The following CCSER1 variants were observed in gnomAD, a reference collection of about 807,000 sequenced individuals.
CCSER1 encodes coiled-coil serine rich protein 1.
CCSER1 carries 41 observed loss-of-function variants against 82.0 expected under a neutral mutation model. The observed-to-expected ratio is 0.50, with a 90% CI of 0.39 to 0.65. The LOEUF (loss-of-function observed/expected upper bound fraction) is 0.65. Ranked by LOEUF, CCSER1 falls within the 30% of genes least tolerant of loss-of-function variation. CCSER1 has a pLI of 0.00. For missense variants in CCSER1, 1,119 were observed against 1,064.2 expected (o/e 1.05, Z -0.72); for synonymous variants, 414 against 383.9 (o/e 1.08, Z -0.92).
At chr4:90,436,721 A>T (rs1179448507) in intron 4 of CCSER1, among the ~76,000 whole-genome samples, 1 of 152,208 alleles carries the variant, frequency 6.6e-6, no homozygotes, top group Admixed American at 6.5e-5. Context: ...AGAGTATATG[A>T]CATATAATTA....
chr4:90,863,253 T>TG (rs1765319381), intron 8 of CCSER1, among the ~76,000 whole-genome samples: 1 of 151,984 alleles, frequency 6.6e-6, no homozygotes, highest in Admixed American at 6.6e-5. Context: ...TCCGTGTCCC[T>TG]GGATTACCTG....
intron 8 of CCSER1, among the ~76,000 whole-genome samples, chr4:90,915,472 T>C (rs34591443): frequency 6.6e-6 from 1 of 152,210 alleles, no homozygotes; most frequent in African/African-American, 2.4e-5. Flanking sequence ...CAACACTTCA[T>C]GCTAACAACT....
At chr4:91,456,726 G>A (rs1756198628) in intron 10 of CCSER1, among the ~76,000 whole-genome samples, 1 of 151,914 alleles carries the variant, frequency 6.6e-6, no homozygotes, top group Non-Finnish European at 1.5e-5. Context: ...TTTATAAATT[G>A]TAGCTCTGAT....
chr4:90,994,214 C>CA (rs61400021), intron 9 of CCSER1, among the ~76,000 whole-genome samples: 86,426 of 151,042 alleles, frequency 0.57, 24,989 homozygotes, highest in East Asian at 0.8. Context: ...CCCATCTCTA[C>CA]AAAAAAAGGA....
chr4:91,174,010 G>A (rs1733045353), intron 10 of CCSER1, among the ~76,000 whole-genome samples: 1 of 152,074 alleles, frequency 6.6e-6, no homozygotes, highest in Non-Finnish European at 1.5e-5. Flanking sequence ...CATATCTATT[G>A]AAGATAAATT....
At chr4:90,859,133 GA>G (rs1287664114) in intron 8 of CCSER1, among the ~76,000 whole-genome samples, 3 of 151,864 alleles carry the variant, frequency 2.0e-5, no homozygotes, top group Admixed American at 6.6e-5. Context: ...GTAGCACACA[GA>G]AACTGATCCC....
At chr4:90,863,791 T>A (rs923023192) in intron 8 of CCSER1, among the ~76,000 whole-genome samples, 2 of 151,772 alleles carry the variant, frequency 1.3e-5, no homozygotes, top group Non-Finnish European at 2.9e-5. Flanking sequence ...TTCTTAAAAC[T>A]TGAAACATAT....
intron 9 of CCSER1, among the ~76,000 whole-genome samples, chr4:90,929,000 G>T (rs748476402): frequency 2.6e-5 from 4 of 152,064 alleles, no homozygotes; most frequent in African/African-American, 9.7e-5. Context: ...AGAAATCTGC[G>T]TAAAATCAAC....
At chr4:90,265,315 T>A (rs1185998990) in intron 1 of CCSER1, among the ~76,000 whole-genome samples, 1 of 151,836 alleles carries the variant, frequency 6.6e-6, no homozygotes, top group African/African-American at 2.4e-5. Context: ...TAAAATATAT[T>A]TGTATGTATA....
intron 9 of CCSER1, among the ~76,000 whole-genome samples, chr4:90,931,341 T>C: frequency 6.6e-6 from 1 of 152,020 alleles, no homozygotes; most frequent in African/African-American, 2.4e-5. Flanking sequence ...ATGTTTAAAA[T>C]GCTTATTTGA....
chr4:91,459,235 T>C (rs1267356532), intron 10 of CCSER1, among the ~76,000 whole-genome samples: 2 of 152,060 alleles, frequency 1.3e-5, no homozygotes, highest in African/African-American at 4.8e-5. Context: ...TATTTGTTGA[T>C]AAGTGTTGTA....
intron 10 of CCSER1, among the ~76,000 whole-genome samples, chr4:91,595,248 T>G (rs754955391): frequency 2.6e-5 from 4 of 152,138 alleles, no homozygotes; most frequent in African/African-American, 4.8e-5. Flanking sequence ...CAGAATTTAA[T>G]TTCTCACTCT....
intron 8 of CCSER1, among the ~76,000 whole-genome samples, chr4:90,898,577 CAT>C (rs1324953952): frequency 7.3e-5 from 11 of 151,680 alleles, no homozygotes; most frequent in Admixed American, 7.2e-4. Context: ...TGTGAGCCAC[CAT>C]CCCTGGCCTT....
intron 10 of CCSER1, among the ~76,000 whole-genome samples, chr4:91,251,208 TCAGGG>T (rs746699926): frequency 7.2e-5 from 11 of 152,256 alleles, no homozygotes; most frequent in Non-Finnish European, 1.5e-4. Context: ...AAGTCCAAGA[TCAGGG>T]TGCCAGCATG....
chr4:90,320,509 A>G (rs1361944695), intron 3 of CCSER1, among the ~76,000 whole-genome samples: 1 of 152,202 alleles, frequency 6.6e-6, no homozygotes, highest in Non-Finnish European at 1.5e-5. Context: ...TTCTAGGATT[A>G]TATGAGTACG....
chr4:90,900,591 G>A (rs918381638), intron 8 of CCSER1, among the ~76,000 whole-genome samples: 4 of 151,142 alleles, frequency 2.6e-5, no homozygotes, highest in Admixed American at 6.6e-5. Context: ...TTTGTTTGTT[G>A]TTTTTTTCAT....
At chr4:91,092,161 C>T (rs1041886919) in intron 10 of CCSER1, among the ~76,000 whole-genome samples, 2 of 152,118 alleles carry the variant, frequency 1.3e-5, no homozygotes, top group Non-Finnish European at 2.9e-5. Context: ...TTCATTTGCT[C>T]CACCTTTCCG....
chr4:90,720,380 T>G (rs770848435), intron 6 of CCSER1, among the ~76,000 whole-genome samples: 17 of 152,082 alleles, frequency 1.1e-4, no homozygotes, highest in Admixed American at 2.0e-4. Context: ...TTCCACAGAA[T>G]CAGAAGAAAA....
Position 90,354,859 on chromosome 4 carries a change from G to A in CCSER1, c.1509+41812G>A, listed in dbSNP as rs538086944. Among the ~76,000 whole-genome samples the A allele has an allele frequency of 1.4e-4, 21 of 151,976 alleles. 1 individual carries two copies. In the South Asian group the frequency reaches 3.5e-3, roughly 26 times the overall value. ...AGAAGTTTTGCCATATTGCAAATGC[G>A]GGCTTTTCTCAGTTTCTTTATTCTC... On this transcript the variant is annotated intron_variant, in intron 3 of 10. Coordinates refer to ENST00000509176, the MANE Select transcript of CCSER1 (RefSeq NM_001145065.2).
Sources: allele counts gnomAD v4.1 joint callset (sites outside exome capture counted in the v4.1 genomes callset), GRCh38; gene constraint gnomAD v4.1.1; transcripts MANE v1.5; gene names NCBI Gene and HGNC (gene_info 2026-07-23, HGNC 2026-07-21).